The following ANKRD11 variants were observed in gnomAD, a reference collection of about 807,000 sequenced individuals.
ANKRD11 encodes ankyrin repeat domain 11, also known as ankyrin repeat domain-containing protein 11.
ANKRD11 carries 17 observed loss-of-function variants against 195.7 expected under a neutral mutation model. The observed-to-expected ratio is 0.09, with a 90% CI of 0.06 to 0.13. The LOEUF is 0.13. Among genes scored for constraint, ANKRD11 ranks in the 10% least tolerant of loss-of-function variants. The pLI is 1.00. For synonymous variants in ANKRD11, 1,953 were observed against 1,528.1 expected, an observed-to-expected ratio of 1.28 and a Z score of -6.49; for missense variants, 3,735 against 3,566.1, an observed-to-expected ratio of 1.05 and a Z score of -1.21.
intron 2 of ANKRD11, among the ~76,000 whole-genome samples, chr16:89,384,873 AGTT>A (rs1322542196): frequency 2.3e-5 from 2 of 86,384 alleles, no homozygotes; most frequent in African/African-American, 4.8e-5. Context: ...AATGAGAAAT[AGTT>A]TTCTTTTTTT....
chr16:89,278,303 C>G (rs1027808144), intron 9 of ANKRD11: 5 of 352,926 alleles, frequency 1.4e-5, no homozygotes, highest in Non-Finnish European at 2.8e-5. Context: ...GGGAAAGACC[C>G]CAGTGGGTAG....
intron 3 of ANKRD11, among the ~76,000 whole-genome samples, chr16:89,307,845 G>A (rs1469106990): frequency 6.6e-6 from 1 of 152,250 alleles, no homozygotes; most frequent in African/African-American, 2.4e-5. Flanking sequence ...TGGCCCAGGG[G>A]GTGGGTTCCA....
At chr16:89,418,205 C>T (rs2042378781) in intron 2 of ANKRD11, 79 bp downstream of exon 2, 1 of 442,890 alleles carries the variant, frequency 2.3e-6, no homozygotes, top group African/African-American at 2.0e-5. Flanking sequence ...AACCTGGACA[C>T]TCACGCATTA....
At position 89,280,015 on chromosome 16, in the gene ANKRD11, C is replaced by A. The variant is rs1164587139; in HGVS notation, c.6527G>T (p.Gly2176Val). The change falls in exon 9 of 13, where the codon GGT becomes GTT. Residue 2176 changes from glycine (G) to valine (V), a missense_variant. Physicochemically the swap from Gly to Val is moderately radical, Grantham distance 109. Transcript: ENST00000301030. ...MPPGAPGVIN[G>V]GDVSTVVAEE... ...AGCCACTACGGTGGAAACATCCCCA[C>A]CGTTTATGACCCCGGGGGCCCCTGG... 1.2e-6 allele frequency: 2 copies of A among 1,612,656 alleles called. No homozygotes were observed. The highest frequency in any genetic ancestry group is 3.3e-5 in the Admixed American group (2 of 60,034).
chr16:89,403,309 CCCCCTCCTGACCGG>C (rs374432330), intron 2 of ANKRD11, among the ~76,000 whole-genome samples: 2 of 152,136 alleles, frequency 1.3e-5, no homozygotes, highest in African/African-American at 4.8e-5. Context: ...TGGCCTGCTC[CCCCCTCCTGACCGG>C]CCCCTCCTGA....
At chr16:89,396,706 G>A (rs1490350430) in intron 2 of ANKRD11, among the ~76,000 whole-genome samples, 2 of 152,150 alleles carry the variant, frequency 1.3e-5, no homozygotes, top group East Asian at 3.9e-4. Context: ...GTTGTTTTTG[G>A]GACGGAGTTT....
intron 2 of ANKRD11, among the ~76,000 whole-genome samples, chr16:89,365,595 T>C (rs943591039): frequency 6.6e-6 from 1 of 152,152 alleles, no homozygotes; most frequent in Non-Finnish European, 1.5e-5. Flanking sequence ...GCCTTAATAA[T>C]TGAAAAAGAG....
In ANKRD11 at chr16:89,442,453, TAA is replaced by T. The variant is rs548527741; in HGVS notation, c.-144-24087_-144-24086del. On this transcript the variant is annotated intron_variant, in intron 1 of 12. Coordinates refer to ENST00000301030, the MANE Select transcript of ANKRD11 (RefSeq NM_013275.6). The stretch of plus-strand genomic sequence containing the variant: ...ATTTTGGCTCAAGCTGGATCCTGAG[TAA>T]AAGACAATCCCACAAACGCCCCTTT... Among the ~76,000 whole-genome samples, 888 of 152,260 alleles carry T rather than the reference TAA, an allele frequency of 5.8e-3. 8 individuals are homozygous for T. The highest frequency in any genetic ancestry group is 0.02 in the African/African-American group (830 of 41,540).
chr16:89,464,147 G>A (rs540422908), intron 1 of ANKRD11, among the ~76,000 whole-genome samples: 7 of 152,056 alleles, frequency 4.6e-5, no homozygotes, highest in Admixed American at 6.6e-5. Context: ...GCTGAGACAC[G>A]AGAATCACTT....
At position 89,488,349 on chromosome 16, in the gene ANKRD11, G is replaced by C. The variant is rs577342262; in HGVS notation, c.-145+1896C>G. On this transcript the variant is annotated intron_variant, in intron 1 of 12. Coordinates refer to ENST00000301030, the MANE Select transcript of ANKRD11 (RefSeq NM_013275.6). ...CTTCGGGGAGAAACTACAGAAAGAGGAGAACAACAGCTGAATGGAGGGTAG... is the reference window on the plus strand; with the variant it reads ...CTTCGGGGAGAAACTACAGAAAGAGCAGAACAACAGCTGAATGGAGGGTAG... 1.4e-4 allele frequency among the ~76,000 whole-genome samples: 22 copies of C among 151,980 alleles called. No homozygotes were observed. In the South Asian group the frequency reaches 4.6e-3, roughly 32 times the overall value.
chr16:89,397,830 C>T (rs1320238829), intron 2 of ANKRD11, among the ~76,000 whole-genome samples: 1 of 152,208 alleles, frequency 6.6e-6, no homozygotes, highest in African/African-American at 2.4e-5. Context: ...GCGGCCCGTG[C>T]CACGTCTCCC....
intron 7 of ANKRD11, 125 bp from the exon 8 acceptor site, chr16:89,286,311 T>G: frequency 7.2e-7 from 1 of 1,396,106 alleles, no homozygotes; most frequent in South Asian, 1.2e-5. Context: ...CCTCACGGTC[T>G]GAGGGTGTGG....
At chr16:89,277,808 A>G (rs975773510) in intron 9 of ANKRD11, 1 of 153,026 alleles carries the variant, frequency 6.5e-6, no homozygotes, top group Non-Finnish European at 1.5e-5. Flanking sequence ...CATGTCGGCC[A>G]GCAGCACAGA....
chr16:89,427,115 C>G (rs2042748578), intron 1 of ANKRD11, among the ~76,000 whole-genome samples: 3 of 152,150 alleles, frequency 2.0e-5, no homozygotes, highest in South Asian at 4.1e-4. Context: ...GTATCATCAT[C>G]ATACACAAGC....
chr16:89,295,924 T>TG (rs199842632), intron 4 of ANKRD11, among the ~76,000 whole-genome samples: 105 of 24,536 alleles, frequency 4.3e-3, no homozygotes, highest in Non-Finnish European at 6.5e-3. Context: ...CAGGTGGGAT[T>TG]GGGGGGGGCT....
In ANKRD11 at chr16:89,291,309, G is replaced by C; in HGVS notation, c.227-126C>G. Reference sequence around the variant, plus strand: ...TGACAGCTGACAGAGCAGAAAGGAAGGTCTGTGTATGGGGAAAGCACAGCG... The same window carrying C: ...TGACAGCTGACAGAGCAGAAAGGAACGTCTGTGTATGGGGAAAGCACAGCG... On this transcript the variant is annotated intron_variant, in intron 4 of 12. Transcript: ENST00000301030. The surrounding 1 kb of genome is among the most constrained non-coding windows in gnomAD (Gnocchi z 5.3). 1 of 1,247,144 alleles carries C rather than the reference G, an allele frequency of 8.0e-7. No individual in the cohort carries two copies. The highest frequency in any genetic ancestry group is 1.3e-5 in the South Asian group (1 of 78,066). The allele number at this position is 1,247,144 out of a possible 1,614,324, so 77.3% of individuals were successfully genotyped here.
intron 1 of ANKRD11, among the ~76,000 whole-genome samples, chr16:89,487,709 G>A (rs1021083478): frequency 1.2e-4 from 19 of 152,278 alleles, no homozygotes; most frequent in African/African-American, 4.6e-4. Context: ...AGGAGACGGA[G>A]GTTGCAATGA....
intron 2 of ANKRD11, among the ~76,000 whole-genome samples, chr16:89,333,802 T>C (rs2038189587): frequency 6.6e-6 from 1 of 152,076 alleles, no homozygotes; most frequent in Non-Finnish European, 1.5e-5. Flanking sequence ...AGTGAAATAA[T>C]ACAGAACAGG....
chr16:89,351,239 A>AGAAT (rs1375103204), intron 2 of ANKRD11, among the ~76,000 whole-genome samples: 1 of 152,198 alleles, frequency 6.6e-6, no homozygotes, highest in African/African-American at 2.4e-5. Flanking sequence ...TCCACGGCAA[A>AGAAT]GAATGAAATT....
Sources: gnomAD v4.1 joint callset for allele counts (sites outside exome capture counted in the v4.1 genomes callset) on GRCh38, gnomAD v4.1.1 for gene constraint, Gnocchi (gnomAD v3.1) non-coding constraint, MANE v1.5 for transcripts, NCBI Gene and HGNC (gene_info 2026-07-23, HGNC 2026-07-21) for gene names.